Variants in OR1F1 observed in about 807,000 individuals in gnomAD.
OR1F1 encodes olfactory receptor family 1 subfamily F member 1.
For missense variants in OR1F1, 493 were observed against 376.3 expected, an observed-to-expected ratio of 1.31 and a Z score of -2.57; for synonymous variants, 184 against 156.7, an observed-to-expected ratio of 1.17 and a Z score of -1.30.
chr16:3,200,225 AC>A (rs528360153), upstream of OR1F1, among the ~76,000 whole-genome samples: 28 of 152,200 alleles, frequency 1.8e-4, no homozygotes, highest in Admixed American at 8.5e-4. Flanking sequence ...TTCTCAGTGC[AC>A]AAGTGCTGTA....
chr16:3,194,017 G>A, the OR1F1 span, among the ~76,000 whole-genome samples: 1 of 152,136 alleles, frequency 6.6e-6, no homozygotes. Flanking sequence ...AGGTGACTTG[G>A]GGTAAGGTAT....
the OR1F1 span, among the ~76,000 whole-genome samples, chr16:3,198,199 C>T: frequency 1.3e-5 from 2 of 151,590 alleles, no homozygotes; most frequent in Non-Finnish European, 2.9e-5. Flanking sequence ...GGAATTGGCT[C>T]ACGCAGATGG....
chr16:3,205,302 A>G (rs1958192796), downstream of OR1F1: 2 of 698,636 alleles, frequency 2.9e-6, no homozygotes, highest in Non-Finnish European at 4.7e-6. Flanking sequence ...TAGTAATTAT[A>G]CTAAGTTAAA....
At chr16:3,188,683 A>C in the OR1F1 span, among the ~76,000 whole-genome samples, 5 of 151,870 alleles carry the variant, frequency 3.3e-5, no homozygotes, top group Non-Finnish European at 7.4e-5. Flanking sequence ...ACTGAGAGCG[A>C]GGGAATTCGC....
In OR1F1 at chr16:3,204,505, C is replaced by A. The variant is rs147055076; in HGVS notation, c.259C>A (p.Leu87Ile). The A allele has an allele frequency of 5.0e-5, 81 of 1,614,208 alleles. No individual in the cohort carries two copies. The African/African-American group carries it at 1.0e-3, about 20-fold the overall frequency. Residue 87 changes from leucine to isoleucine, a missense_variant, in exon 1 of 1, where the codon CTC becomes ATC. Physicochemically the swap from Leu to Ile is conservative, Grantham distance 5. Coordinates refer to ENST00000304646, the Ensembl canonical transcript of OR1F1. ...CCCCAAGATGCTGGCCAATCACATACTCGAGACTCAGACCATCTCCTTCTG... is the reference window on the plus strand; with the variant it reads ...CCCCAAGATGCTGGCCAATCACATAATCGAGACTCAGACCATCTCCTTCTG...
At chr16:3,196,915 TGA>T in the OR1F1 span, among the ~76,000 whole-genome samples, 2 of 151,888 alleles carry the variant, frequency 1.3e-5, no homozygotes, top group Admixed American at 1.3e-4. Context: ...CTCACTCTGT[TGA>T]CCAGGCTGGA....
At chr16:3,194,943 C>T in the OR1F1 span, among the ~76,000 whole-genome samples, 2 of 152,192 alleles carry the variant, frequency 1.3e-5, no homozygotes, top group Non-Finnish European at 2.9e-5. Flanking sequence ...GATAGTGACT[C>T]CTGGGCATGA....
At chr16:3,193,940 G>A in the OR1F1 span, among the ~76,000 whole-genome samples, 1 of 152,288 alleles carries the variant, frequency 6.6e-6, no homozygotes, top group East Asian at 1.9e-4. Flanking sequence ...TGATGGATAA[G>A]GTACTGGCCT....
chr16:3,200,337 T>C (rs1958122778), upstream of OR1F1, among the ~76,000 whole-genome samples: 1 of 152,158 alleles, frequency 6.6e-6, no homozygotes. Context: ...AGGCTGGGCA[T>C]GGTGGCGCAT....
exon 1 of OR1F1, chr16:3,204,572 A>G: frequency 6.2e-7 from 1 of 1,614,150 alleles, no homozygotes; most frequent in Non-Finnish European, 8.5e-7. Context: ...ATGTTCGTGG[A>G]CATGGACAAT....
the OR1F1 span, among the ~76,000 whole-genome samples, chr16:3,193,941 G>A: frequency 2.6e-5 from 4 of 152,156 alleles, no homozygotes; most frequent in Non-Finnish European, 5.9e-5. Context: ...GATGGATAAG[G>A]TACTGGCCTC....
chr16:3,198,289 G>T, the OR1F1 span, among the ~76,000 whole-genome samples: 45 of 152,250 alleles, frequency 3.0e-4, 1 homozygote, highest in South Asian at 7.0e-3. Context: ...TTCTAATCCG[G>T]AGGCTAGCAG....
At chr16:3,194,068 A>G in the OR1F1 span, among the ~76,000 whole-genome samples, 2 of 152,216 alleles carry the variant, frequency 1.3e-5, no homozygotes, top group Non-Finnish European at 2.9e-5. Flanking sequence ...ACACATAAGT[A>G]GAAAAACTTT....
exon 1 of OR1F1, chr16:3,204,330 T>G (rs753756127): frequency 6.2e-7 from 1 of 1,614,122 alleles, no homozygotes; most frequent in Admixed American, 1.7e-5. Context: ...ATCTCCTCTT[T>G]GTGTTCTTCC....
In OR1F1 at chr16:3,204,889, C is replaced by G. The variant is rs200421001; in HGVS notation, c.643C>G (p.Leu215Val). The G allele has an allele frequency of 1.9e-6, 3 of 1,614,176 alleles. No homozygotes were observed. The South Asian group carries it at 3.3e-5, about 18-fold the overall frequency. ...CATGATCACCCCATTTCTTTGCATC[C>G]TGGCTTCTTATATGCACATCACCTG... Residue 215 changes from leucine to valine, a missense_variant, in exon 1 of 1, where the codon CTG becomes GTG. By Grantham distance (32) the Leu-to-Val change is conservative. Transcript: ENST00000304646.
chr16:3,204,873 C>T (rs1567207293), exon 1 of OR1F1: 8 of 1,613,998 alleles, frequency 5.0e-6, no homozygotes, highest in Non-Finnish European at 6.8e-6. Flanking sequence ...TCATGATCAC[C>T]CCATTTCTTT....
At chr16:3,189,882 A>G in the OR1F1 span, 1 of 151,996 alleles carries the variant, frequency 6.6e-6, no homozygotes, top group South Asian at 2.1e-4. Flanking sequence ...GAGTCCTGTC[A>G]CCAGTGTTGC....
chr16:3,200,903 C>T (rs1264110507), upstream of OR1F1, among the ~76,000 whole-genome samples: 2 of 152,190 alleles, frequency 1.3e-5, no homozygotes, highest in Non-Finnish European at 2.9e-5. Flanking sequence ...ACAATGTATG[C>T]AATAATCACC....
At chr16:3,194,820 G>T in the OR1F1 span, among the ~76,000 whole-genome samples, 1 of 152,156 alleles carries the variant, frequency 6.6e-6, no homozygotes, top group Non-Finnish European at 1.5e-5. Flanking sequence ...TTTAGGTCTC[G>T]CTATGTTGTT....
Sources: gnomAD v4.1 joint callset for allele counts (sites outside exome capture counted in the v4.1 genomes callset) on GRCh38, gnomAD v4.1.1 for gene constraint, MANE v1.5 for transcripts, NCBI Gene and HGNC (gene_info 2026-07-23, HGNC 2026-07-21) for gene names.